COP1: variants seen among roughly 807,000 people sequenced by gnomAD.
COP1 encodes the protein E3 ubiquitin-protein ligase COP1.
Under a neutral mutation model 101.3 loss-of-function variants are expected in COP1, and 24 were observed. That is an observed-to-expected ratio of 0.24 (90% CI 0.17 to 0.33). The LOEUF (loss-of-function observed/expected upper bound fraction) is 0.33. Ranked by LOEUF, COP1 falls within the 10% of genes least tolerant of loss-of-function variation. COP1 has a pLI of 1.00. For missense variants in COP1, 663 were observed against 906.2 expected, an observed-to-expected ratio of 0.73 and a Z score of 3.45; for synonymous variants, 347 against 341.9, an observed-to-expected ratio of 1.01 and a Z score of -0.17.
chr1:176,129,693 T>C (rs1353951381), intron 8 of COP1, among the ~76,000 whole-genome samples: 2 of 151,842 alleles, frequency 1.3e-5, no homozygotes, highest in Admixed American at 1.3e-4. Flanking sequence ...AACTAAGTTA[T>C]CCGATGTTCT....
intron 1 of COP1, among the ~76,000 whole-genome samples, chr1:176,203,066 G>C (rs553023804): frequency 1.9e-3 from 286 of 151,852 alleles, no homozygotes; most frequent in Non-Finnish European, 3.4e-3. Flanking sequence ...GGCCGGGCGC[G>C]GTGGCTCACG....
intron 3 of COP1, among the ~76,000 whole-genome samples, chr1:176,165,996 T>C (rs1695082425): frequency 6.6e-6 from 1 of 152,224 alleles, no homozygotes. Flanking sequence ...TTTACATGAA[T>C]ATGCCGCATT....
At chr1:176,156,239 G>T (rs1023558790) in intron 5 of COP1, among the ~76,000 whole-genome samples, 7 of 152,072 alleles carry the variant, frequency 4.6e-5, no homozygotes, top group African/African-American at 1.4e-4. Context: ...ACTATAAACT[G>T]TGTGGGAGAA....
At position 176,023,703 on chromosome 1, in the gene COP1, A is replaced by C. The variant is rs1174703420; in HGVS notation, c.1729+3869T>G. Among the ~76,000 whole-genome samples, 8 of 145,842 alleles carry C rather than the reference A, an allele frequency of 5.5e-5. 1 individual carries two copies. The South Asian group carries it at 1.3e-3, about 24-fold the overall frequency. On this transcript the variant is annotated intron_variant, in intron 15 of 19. Transcript: ENST00000367669. ...ATTGCACACCAGCCTGGGCAACAAG[A>C]GTGAAACTCCATCTCAAAAAAAAAA...
chr1:176,116,507 C>T, intron 9 of COP1, 117 bp downstream of exon 9: 1 of 746,696 alleles, frequency 1.3e-6, no homozygotes, highest in Non-Finnish European at 2.3e-6. Flanking sequence ...TAATCAACAC[C>T]ACTGCATTCA....
chr1:175,985,623 C>A (rs1326416457), intron 18 of COP1, among the ~76,000 whole-genome samples: 1 of 152,212 alleles, frequency 6.6e-6, no homozygotes, highest in Non-Finnish European at 1.5e-5. Flanking sequence ...CCCACCAGAA[C>A]TGACAAATGC....
At chr1:176,043,066 T>C (rs983215185) in intron 14 of COP1, 120 bp downstream of exon 14, 3 of 670,174 alleles carry the variant, frequency 4.5e-6, no homozygotes, top group Non-Finnish European at 8.0e-6. Flanking sequence ...ATAATAATAA[T>C]CAGTAATCAC....
In COP1 at chr1:176,043,285, A is replaced by G. The variant is rs1190519844; in HGVS notation, c.1531-18T>C. 6.6e-7 allele frequency: 1 copy of G among 1,505,174 alleles called. No individual in the cohort carries two copies. The highest frequency in any genetic ancestry group is 1.1e-5 in the South Asian group (1 of 88,300). 93.2% of individuals were successfully genotyped at this position (1,505,174 alleles called of 1,614,324 possible). On this transcript the variant is annotated intron_variant, in intron 13 of 19. Coordinates refer to ENST00000367669, the MANE Select transcript of COP1 (RefSeq NM_022457.7). Reference sequence around the variant, plus strand: ...TCATGCTCCTGGAAGCAGAAAGAAGACAGTAGCCTCAGATAGAATACAGAT... The same window carrying G: ...TCATGCTCCTGGAAGCAGAAAGAAGGCAGTAGCCTCAGATAGAATACAGAT...
chr1:176,095,673 T>A (rs1312028870), intron 9 of COP1, among the ~76,000 whole-genome samples: 1 of 148,764 alleles, frequency 6.7e-6, no homozygotes, highest in Non-Finnish European at 1.5e-5. Flanking sequence ...GGCAAGACCC[T>A]GTCTCAGAAA....
chr1:176,049,178 C>CAAAAAAAAAAAAAAAAAAAAA (rs61267982), intron 11 of COP1, among the ~76,000 whole-genome samples: 1 of 118,372 alleles, frequency 8.4e-6, no homozygotes, highest in African/African-American at 3.5e-5. Context: ...GACTCCGTCT[C>CAAAAAAAAAAAAAAAAAAAAA]AAAAAAAAAA....
intron 1 of COP1, among the ~76,000 whole-genome samples, chr1:176,201,251 G>A (rs1700234265): frequency 6.6e-6 from 1 of 152,038 alleles, no homozygotes; most frequent in Non-Finnish European, 1.5e-5. Flanking sequence ...TTCAGATAGA[G>A]GATACTCACC....
chr1:175,966,304 CACACACACACAA>C (rs1461616025), intron 18 of COP1, among the ~76,000 whole-genome samples: 1 of 151,462 alleles, frequency 6.6e-6, no homozygotes, highest in East Asian at 1.9e-4. Flanking sequence ...CACACACACA[CACACACACACAA>C]ACACTTAAAA....
intron 1 of COP1, among the ~76,000 whole-genome samples, chr1:176,197,316 A>C (rs1007857696): frequency 2.0e-5 from 3 of 152,172 alleles, no homozygotes; most frequent in Non-Finnish European, 4.4e-5. Flanking sequence ...TAGGAAGATG[A>C]GGGAGGAGGA....
chr1:176,059,094 C>A (rs981808872), intron 11 of COP1, among the ~76,000 whole-genome samples: 8 of 152,224 alleles, frequency 5.3e-5, no homozygotes, highest in African/African-American at 1.9e-4. Flanking sequence ...TGTGCTCACA[C>A]AAAAGCACAC....
intron 8 of COP1, among the ~76,000 whole-genome samples, chr1:176,125,374 G>A (rs1687838939): frequency 6.6e-6 from 1 of 152,056 alleles, no homozygotes; most frequent in African/African-American, 2.4e-5. Flanking sequence ...CACAGTTTGA[G>A]GCCTTTAAGT....
intron 15 of COP1, among the ~76,000 whole-genome samples, chr1:175,996,571 T>G (rs1660211670): frequency 6.6e-6 from 1 of 151,996 alleles, no homozygotes; most frequent in Non-Finnish European, 1.5e-5. Flanking sequence ...AAAATCAATG[T>G]ACAAAAATCA....
chr1:176,009,458 T>C (rs1664205670), intron 15 of COP1, among the ~76,000 whole-genome samples: 1 of 152,202 alleles, frequency 6.6e-6, no homozygotes, highest in Non-Finnish European at 1.5e-5. Flanking sequence ...GGGTGTAATA[T>C]GTGAAAGGCA....
At chr1:175,992,240 T>C (rs1433007778) in intron 15 of COP1, among the ~76,000 whole-genome samples, 1 of 152,124 alleles carries the variant, frequency 6.6e-6, no homozygotes, top group African/African-American at 2.4e-5. Flanking sequence ...TTTTCAGTTA[T>C]TTAAAAATGT....
chr1:176,187,010 T>C (rs571260245), intron 1 of COP1, among the ~76,000 whole-genome samples: 181 of 152,330 alleles, frequency 1.2e-3, no homozygotes, highest in African/African-American at 4.3e-3. Flanking sequence ...ACGTGTCATG[T>C]CACATAATGT....
Sources: gnomAD v4.1 joint callset for allele counts (sites outside exome capture counted in the v4.1 genomes callset) on GRCh38, gnomAD v4.1.1 for gene constraint, MANE v1.5 for transcripts, NCBI Gene and HGNC (gene_info 2026-07-23, HGNC 2026-07-21) for gene names.